Variants in KIF9 observed in about 807,000 individuals in gnomAD.
KIF9 encodes kinesin family member 9.
In KIF9, 68 loss-of-function variants were observed where a neutral mutation model predicts 94.8. The ratio of observed to expected loss-of-function variants is 0.72; its 90% CI spans 0.59 to 0.88. The LOEUF (loss-of-function observed/expected upper bound fraction) is 0.88. Among genes scored for constraint, KIF9 ranks in the 40% least tolerant of loss-of-function variants. The probability of loss-of-function intolerance (pLI) is 0.00; values close to 1 mark genes in which losing one functional copy is unlikely to be tolerated. For missense variants in KIF9, 882 were observed against 982.5 expected (o/e 0.90, Z 1.37); for synonymous variants, 343 against 362.1 (o/e 0.95, Z 0.60).
intron 2 of KIF9, 67 bp from the exon 3 acceptor site, chr3:47,275,557 G>A: frequency 2.5e-6 from 3 of 1,217,050 alleles, no homozygotes; most frequent in Non-Finnish European, 3.6e-6. Context: ...AAAAATCACT[G>A]ATAGCTGAGG....
At chr3:47,241,947 G>C (rs1409490595) in intron 16 of KIF9, among the ~76,000 whole-genome samples, 1 of 142,872 alleles carries the variant, frequency 7.0e-6, no homozygotes, top group African/African-American at 2.7e-5. Context: ...TCAGTGACTC[G>C]ATCACAGCTC....
At chr3:47,264,426 T>G in intron 8 of KIF9, 76 bp from the exon 9 acceptor site, 1 of 1,169,936 alleles carries the variant, frequency 8.5e-7, no homozygotes, top group Admixed American at 1.7e-5. Flanking sequence ...GGGTCTGTTA[T>G]ATACTGAATG....
chr3:47,240,440 A>G (rs989610584), intron 17 of KIF9, among the ~76,000 whole-genome samples: 2 of 152,144 alleles, frequency 1.3e-5, no homozygotes, highest in African/African-American at 4.8e-5. Flanking sequence ...TGAGGAAACC[A>G]CACAGAGACC....
intron 1 of KIF9, chr3:47,282,162 T>G: frequency 1.0e-6 from 1 of 982,024 alleles, no homozygotes; most frequent in Non-Finnish European, 1.2e-6. Context: ...GGGCTCCGAC[T>G]GGTGATCCCA....
At chr3:47,280,813 G>T in intron 1 of KIF9, 1 of 667,654 alleles carries the variant, frequency 1.5e-6, no homozygotes, top group South Asian at 1.6e-5. Context: ...CTCCCATGCT[G>T]ACACCATGGC....
chr3:47,263,820 T>C (rs1701125500), intron 9 of KIF9: 1 of 456,408 alleles, frequency 2.2e-6, no homozygotes, highest in African/African-American at 2.0e-5. Flanking sequence ...TCTACCAGGT[T>C]ACTCCTGCTT....
At chr3:47,235,682 G>C in intron 19 of KIF9, 65 bp from the exon 20 acceptor site, 1 of 1,300,286 alleles carries the variant, frequency 7.7e-7, no homozygotes. Flanking sequence ...CCTGTGGTGT[G>C]CATCAGGGCA....
chr3:47,269,097 A>G (rs1011230324), intron 5 of KIF9, among the ~76,000 whole-genome samples: 1 of 152,086 alleles, frequency 6.6e-6, no homozygotes, highest in Admixed American at 6.6e-5. Flanking sequence ...CTGGCCCTTT[A>G]AAAAAGATCC....
chr3:47,271,506 C>A, intron 4 of KIF9, 45 bp from the exon 5 acceptor site: 2 of 1,440,324 alleles, frequency 1.4e-6, no homozygotes, highest in Non-Finnish European at 2.0e-6. Context: ...AGAACCCCAA[C>A]AGCCAACTAG....
intron 4 of KIF9, 115 bp downstream of exon 4, chr3:47,273,437 G>A: frequency 1.4e-6 from 1 of 733,264 alleles, no homozygotes; most frequent in Non-Finnish European, 2.2e-6. Context: ...AGTATCCACT[G>A]CAACTCCTTT....
At chr3:47,239,951 A>G in intron 17 of KIF9, 1 of 1,366,788 alleles carries the variant, frequency 7.3e-7, no homozygotes, top group South Asian at 1.1e-5. Flanking sequence ...CAGGAGTGTG[A>G]AGAACAGTGT....
intron 1 of KIF9, chr3:47,281,289 A>G (rs1343980641): frequency 6.6e-6 from 3 of 453,586 alleles, no homozygotes; most frequent in Non-Finnish European, 1.2e-5. Context: ...CTTGGTTTCC[A>G]GGTGCAAAAA....
At chr3:47,236,378 G>T in intron 18 of KIF9, 65 bp downstream of exon 18, 1 of 1,554,138 alleles carries the variant, frequency 6.4e-7, no homozygotes, top group Non-Finnish European at 8.8e-7. Flanking sequence ...CCAGAACTCA[G>T]GCTGTGGCCT....
At chr3:47,239,928 A>G (rs1324116579) in intron 17 of KIF9, 1 of 1,367,666 alleles carries the variant, frequency 7.3e-7, no homozygotes, top group Non-Finnish European at 9.8e-7. Flanking sequence ...GGAAGAAGAC[A>G]GTAAGACTGA....
At chr3:47,267,870 TCC>T (rs1445601769) in intron 5 of KIF9, among the ~76,000 whole-genome samples, 2 of 149,656 alleles carry the variant, frequency 1.3e-5, no homozygotes, top group Admixed American at 6.6e-5. Context: ...TTTTGTGTTC[TCC>T]TTTTTTTTTT....
chr3:47,232,377 C>T (rs1212887280), intron 20 of KIF9, among the ~76,000 whole-genome samples: 6 of 152,084 alleles, frequency 3.9e-5, no homozygotes, highest in East Asian at 1.9e-4. Flanking sequence ...CTCCACCTCC[C>T]GGGTTCAAGC....
At chr3:47,275,967 G>A (rs1348514837) in intron 2 of KIF9, among the ~76,000 whole-genome samples, 3 of 152,114 alleles carry the variant, frequency 2.0e-5, no homozygotes, top group Non-Finnish European at 2.9e-5. Context: ...CCACACACAC[G>A]CTATGAGCCA....
At chr3:47,277,082 A>G (rs1702023197) in intron 2 of KIF9, 200 bp downstream of exon 2, 1 of 400,986 alleles carries the variant, frequency 2.5e-6, no homozygotes, top group South Asian at 8.3e-5. Context: ...AATTATTAAA[A>G]GACAATTAAC....
chr3:47,265,677 C>A, intron 8 of KIF9, 53 bp downstream of exon 8: 1 of 1,590,904 alleles, frequency 6.3e-7, no homozygotes, highest in Non-Finnish European at 8.6e-7. Context: ...CCAAACCTGT[C>A]CCTCCCCAAA....
Sources: gnomAD v4.1 joint callset for allele counts (sites outside exome capture counted in the v4.1 genomes callset) on GRCh38, gnomAD v4.1.1 for gene constraint, MANE v1.5 for transcripts, NCBI Gene and HGNC (gene_info 2026-07-23, HGNC 2026-07-21) for gene names.